C12orf42: variants seen among roughly 807,000 people sequenced by gnomAD.
C12orf42 encodes uncharacterized protein C12orf42.
C12orf42 carries 25 observed loss-of-function variants against 21.6 expected under a neutral mutation model. The ratio of observed to expected loss-of-function variants is 1.16; its 90% CI spans 0.84 to 1.62. The LOEUF (loss-of-function observed/expected upper bound fraction) is 1.62, where lower values mean the gene tolerates loss of function less well. Among genes scored for constraint, C12orf42 ranks in the 40% most tolerant of loss-of-function variants. The pLI is 0.00. For synonymous variants in C12orf42, 174 were observed against 175.0 expected, an observed-to-expected ratio of 0.99 and a Z score of 0.05; for missense variants, 483 against 459.3, an observed-to-expected ratio of 1.05 and a Z score of -0.47.
intron 4 of C12orf42, among the ~76,000 whole-genome samples, chr12:103,320,645 C>T (rs986717880): frequency 4.6e-5 from 7 of 152,074 alleles, no homozygotes; most frequent in Middle Eastern, 6.8e-3. Flanking sequence ...TGCTTAGAGA[C>T]GGTTCTACAT....
At chr12:103,251,817 A>G (rs950291339) in intron 10 of C12orf42, among the ~76,000 whole-genome samples, 1 of 152,216 alleles carries the variant, frequency 6.6e-6, no homozygotes, top group African/African-American at 2.4e-5. Flanking sequence ...TCACTGCACT[A>G]GATCAGACAC....
At chr12:103,302,662 A>C in intron 5 of C12orf42, 103 bp from the exon 6 acceptor site, 1 of 872,874 alleles carries the variant, frequency 1.1e-6, no homozygotes, top group Non-Finnish European at 1.7e-6. Flanking sequence ...AACATTTGTA[A>C]TGTGCTCAGA....
chr12:103,077,116 A>G, the C12orf42 span, among the ~76,000 whole-genome samples: 1 of 152,342 alleles, frequency 6.6e-6, no homozygotes, highest in African/African-American at 2.4e-5. Context: ...ATACCAAATT[A>G]TTAAGGTTAA....
chr12:103,233,744 TAC>T (rs2033379440), downstream of C12orf42, among the ~76,000 whole-genome samples: 1 of 152,208 alleles, frequency 6.6e-6, no homozygotes, highest in African/African-American at 2.4e-5. Context: ...CAGATATTTT[TAC>T]AGAGACAGTC....
At chr12:103,181,521 G>GT in the C12orf42 span, among the ~76,000 whole-genome samples, 2 of 152,208 alleles carry the variant, frequency 1.3e-5, no homozygotes, top group Non-Finnish European at 2.9e-5. Context: ...GGTAGCTTTG[G>GT]TAACATGGCT....
downstream of C12orf42, among the ~76,000 whole-genome samples, chr12:103,301,112 C>T (rs143459376): frequency 7.2e-4 from 109 of 152,224 alleles, no homozygotes; most frequent in African/African-American, 2.6e-3. Flanking sequence ...AACCTTGAGA[C>T]TTAAATTTGG....
At chr12:103,474,562 C>A (rs749961572) in intron 2 of C12orf42, among the ~76,000 whole-genome samples, 5 of 151,676 alleles carry the variant, frequency 3.3e-5, no homozygotes, top group Non-Finnish European at 7.4e-5. Context: ...TAAAAGTAAA[C>A]CTTTTTCTAA....
chr12:103,435,089 G>A (rs1315312358), intron 2 of C12orf42, among the ~76,000 whole-genome samples: 6 of 152,128 alleles, frequency 3.9e-5, no homozygotes, highest in African/African-American at 1.2e-4. Flanking sequence ...GTGGGTCCCT[G>A]ACCCCTGACC....
upstream of C12orf42, among the ~76,000 whole-genome samples, chr12:103,496,353 G>A (rs909948858): frequency 1.3e-5 from 2 of 152,170 alleles, no homozygotes; most frequent in Middle Eastern, 3.2e-3. Flanking sequence ...CAGGAATAAT[G>A]CAGCCAACAG....
At chr12:103,457,763 T>G (rs1487893070) in intron 2 of C12orf42, among the ~76,000 whole-genome samples, 1 of 152,198 alleles carries the variant, frequency 6.6e-6, no homozygotes, top group African/African-American at 2.4e-5. Flanking sequence ...CACGTTTATA[T>G]GCTCTGCCCT....
the C12orf42 span, among the ~76,000 whole-genome samples, chr12:103,106,507 A>G: frequency 0.023 from 3,562 of 152,204 alleles, 60 homozygotes; most frequent in African/African-American, 0.047. Context: ...TTAGACAACC[A>G]TAACATTAAA....
At chr12:103,550,819 G>A in the C12orf42 span, among the ~76,000 whole-genome samples, 1 of 151,916 alleles carries the variant, frequency 6.6e-6, no homozygotes. Flanking sequence ...TTTCTATTAG[G>A]ATGTTGTTGC....
At chr12:103,176,533 A>G in the C12orf42 span, among the ~76,000 whole-genome samples, 1 of 152,154 alleles carries the variant, frequency 6.6e-6, no homozygotes, top group Non-Finnish European at 1.5e-5. Context: ...CCCAATTTCT[A>G]ATTTTCTGGT....
At chr12:103,229,667 A>G in the C12orf42 span, among the ~76,000 whole-genome samples, 12 of 152,312 alleles carry the variant, frequency 7.9e-5, no homozygotes, top group African/African-American at 2.6e-4. Flanking sequence ...TTTTCCATCC[A>G]GACTCCCAGA....
intron 10 of C12orf42, among the ~76,000 whole-genome samples, chr12:103,254,464 A>C (rs1664200601): frequency 6.6e-6 from 1 of 152,232 alleles, no homozygotes; most frequent in South Asian, 2.1e-4. Context: ...TTCAAACTAC[A>C]CTACGAGGCT....
chr12:103,401,563 C>T (rs756891131), intron 3 of C12orf42, 44 bp downstream of exon 3: 26 of 1,547,634 alleles, frequency 1.7e-5, no homozygotes, highest in South Asian at 1.0e-4. Flanking sequence ...CCCTAAAGGA[C>T]GGCACTATGG....
intron 2 of C12orf42, among the ~76,000 whole-genome samples, chr12:103,448,065 C>A (rs1951691010): frequency 1.3e-5 from 2 of 151,940 alleles, no homozygotes; most frequent in South Asian, 2.1e-4. Context: ...CCACAGTCAC[C>A]AAAACAGCAT....
chr12:103,453,019 G>C (rs1012270501), intron 2 of C12orf42, among the ~76,000 whole-genome samples: 1 of 96,802 alleles, frequency 1.0e-5, no homozygotes, highest in Non-Finnish European at 2.1e-5. Context: ...AGAACTTATA[G>C]TATATCAAAA....
At chr12:103,167,581 A>C in the C12orf42 span, among the ~76,000 whole-genome samples, 1 of 152,116 alleles carries the variant, frequency 6.6e-6, no homozygotes, top group African/African-American at 2.4e-5. Context: ...AACCCAGTGG[A>C]TTTTTTTCCA....
Sources: allele counts gnomAD v4.1 joint callset (sites outside exome capture counted in the v4.1 genomes callset), GRCh38; gene constraint gnomAD v4.1.1; transcripts MANE v1.5; gene names NCBI Gene and HGNC (gene_info 2026-07-23, HGNC 2026-07-21).